Variants in RAB38 observed in about 807,000 individuals in gnomAD.
RAB38 encodes RAB38, member RAS oncogene family, also known as ras-related protein Rab-38.
RAB38 carries 15 observed loss-of-function variants against 18.4 expected under a neutral mutation model. That is an observed-to-expected ratio of 0.82 (90% CI 0.55 to 1.26). The LOEUF is 1.26. Among genes scored for constraint, RAB38 ranks in the 50% most tolerant of loss-of-function variants. The probability of loss-of-function intolerance (pLI) is 0.00; values close to 1 mark genes in which losing one functional copy is unlikely to be tolerated. For synonymous variants in RAB38, 101 were observed against 104.4 expected (o/e 0.97, Z 0.20); for missense variants, 294 against 267.4 (o/e 1.10, Z -0.69).
At chr11:87,938,580 G>C in the RAB38 span, among the ~76,000 whole-genome samples, 3 of 143,760 alleles carry the variant, frequency 2.1e-5, no homozygotes, top group Non-Finnish European at 3.0e-5. Flanking sequence ...TTGTTTGAAA[G>C]GTTTTTTTTT....
chr11:87,917,623 G>A, the RAB38 span, among the ~76,000 whole-genome samples: 1 of 127,734 alleles, frequency 7.8e-6, no homozygotes, highest in Non-Finnish European at 1.6e-5. Flanking sequence ...GTTCCCTATT[G>A]TTATCGGCAC....
At chr11:87,976,148 A>C in the RAB38 span, among the ~76,000 whole-genome samples, 1 of 148,676 alleles carries the variant, frequency 6.7e-6, no homozygotes, top group Non-Finnish European at 1.5e-5. Context: ...GTGTATATAT[A>C]CATATATATA....
the RAB38 span, among the ~76,000 whole-genome samples, chr11:87,818,188 T>A: frequency 6.6e-6 from 1 of 152,124 alleles, no homozygotes; most frequent in African/African-American, 2.4e-5. Context: ...TTCTAAAAAA[T>A]TCCTAGCTGG....
the RAB38 span, among the ~76,000 whole-genome samples, chr11:88,043,809 C>T: frequency 0.76 from 114,845 of 152,088 alleles, 43,649 homozygotes; most frequent in African/African-American, 0.82. Flanking sequence ...GAAATTTTGG[C>T]GCCATGGCTG....
chr11:87,811,699 G>T, the RAB38 span, among the ~76,000 whole-genome samples: 4 of 151,908 alleles, frequency 2.6e-5, no homozygotes, highest in South Asian at 8.3e-4. Context: ...CTTTTATTGT[G>T]TTGCTTTTTA....
chr11:87,870,510 G>A, the RAB38 span, among the ~76,000 whole-genome samples: 4,971 of 151,460 alleles, frequency 0.033, 220 homozygotes, highest in Admixed American at 0.13. Flanking sequence ...TCAGGGGTCC[G>A]TGACTTTTCC....
chr11:87,932,965 CCA>C, the RAB38 span, among the ~76,000 whole-genome samples: 1 of 152,062 alleles, frequency 6.6e-6, no homozygotes, highest in Non-Finnish European at 1.5e-5. Flanking sequence ...AACACAGAAT[CCA>C]CAGTCTGCTA....
chr11:88,129,026 A>G (rs2134791972), intron 2 of RAB38, among the ~76,000 whole-genome samples: 1 of 152,376 alleles, frequency 6.6e-6, no homozygotes, highest in East Asian at 1.9e-4. Context: ...GGACAGTTGT[A>G]TATCTATACC....
chr11:88,162,436 T>C (rs371594093), intron 1 of RAB38, among the ~76,000 whole-genome samples: 1 of 150,342 alleles, frequency 6.7e-6, no homozygotes, highest in African/African-American at 2.4e-5. Flanking sequence ...AGTGAAGGAA[T>C]AATTCTTAAT....
At chr11:87,853,955 G>A in the RAB38 span, among the ~76,000 whole-genome samples, 1 of 152,104 alleles carries the variant, frequency 6.6e-6, no homozygotes, top group African/African-American at 2.4e-5. Context: ...CCAGTTTCTA[G>A]AGGCCATCTG....
chr11:87,847,819 C>T, the RAB38 span, among the ~76,000 whole-genome samples: 3 of 152,142 alleles, frequency 2.0e-5, no homozygotes, highest in South Asian at 2.1e-4. Flanking sequence ...GTCCTTTCAC[C>T]GACCCTCAAT....
the RAB38 span, among the ~76,000 whole-genome samples, chr11:87,810,168 A>G: frequency 6.6e-6 from 1 of 151,994 alleles, no homozygotes; most frequent in African/African-American, 2.4e-5. Flanking sequence ...TTTTACTTCT[A>G]TTTTCCTATT....
At chr11:88,154,522 G>A (rs1035848254) in intron 1 of RAB38, among the ~76,000 whole-genome samples, 1 of 152,206 alleles carries the variant, frequency 6.6e-6, no homozygotes. Flanking sequence ...AGATTGTGGT[G>A]TAGCAGGGCC....
chr11:88,048,468 A>G, the RAB38 span, among the ~76,000 whole-genome samples: 3 of 152,078 alleles, frequency 2.0e-5, no homozygotes, highest in Admixed American at 2.0e-4. Flanking sequence ...TTAAAGACAC[A>G]CCTCACCAAG....
the RAB38 span, among the ~76,000 whole-genome samples, chr11:87,905,280 T>C: frequency 4.6e-5 from 7 of 151,774 alleles, no homozygotes; most frequent in African/African-American, 1.7e-4. Flanking sequence ...ATTTAGTCCT[T>C]TTAAGTCCTT....
At chr11:87,943,005 A>G in the RAB38 span, among the ~76,000 whole-genome samples, 1 of 152,282 alleles carries the variant, frequency 6.6e-6, no homozygotes, top group Admixed American at 6.6e-5. Flanking sequence ...AAAATCCAGA[A>G]AATTGGAATG....
At chr11:88,156,073 A>G (rs1489394871) in intron 1 of RAB38, among the ~76,000 whole-genome samples, 1 of 152,196 alleles carries the variant, frequency 6.6e-6, no homozygotes, top group Non-Finnish European at 1.5e-5. Context: ...CTGAGAGAGA[A>G]GAAAAATTTA....
At chr11:88,081,199 A>C in the RAB38 span, among the ~76,000 whole-genome samples, 1 of 151,978 alleles carries the variant, frequency 6.6e-6, no homozygotes, top group African/African-American at 2.4e-5. Context: ...GTTGAAATGA[A>C]AAGTAGTATA....
At chr11:87,976,635 G>T in the RAB38 span, among the ~76,000 whole-genome samples, 1 of 118,718 alleles carries the variant, frequency 8.4e-6, no homozygotes, top group African/African-American at 3.4e-5. Context: ...AAATATATAT[G>T]ATTTTATATG....
Sources: gnomAD v4.1 joint callset for allele counts (sites outside exome capture counted in the v4.1 genomes callset) on GRCh38, gnomAD v4.1.1 for gene constraint, MANE v1.5 for transcripts, NCBI Gene and HGNC (gene_info 2026-07-23, HGNC 2026-07-21) for gene names.